The following PKD2L1 variants were observed in gnomAD, a reference collection of about 807,000 sequenced individuals.
PKD2L1 encodes the protein polycystin-2-like protein 1.
PKD2L1 carries 77 observed loss-of-function variants against 93.0 expected under a neutral mutation model. That is an observed-to-expected ratio of 0.83 (90% confidence interval 0.69 to 1.00). PKD2L1 has a LOEUF of 1.00. PKD2L1 is among the 50% of genes least tolerant of loss of function. The pLI is 0.00. For missense variants in PKD2L1, 977 were observed against 990.9 expected, an observed-to-expected ratio of 0.99 and a Z score of 0.19; for synonymous variants, 390 against 388.0, an observed-to-expected ratio of 1.01 and a Z score of -0.06.
At chr10:100,313,747 TTGATTAC>T (rs1197207502) in intron 2 of PKD2L1, among the ~76,000 whole-genome samples, 12 of 152,332 alleles carry the variant, frequency 7.9e-5, no homozygotes, top group African/African-American at 2.9e-4. Flanking sequence ...CCAGAGAGAA[TTGATTAC>T]TGGCATTGGT....
In PKD2L1 at chr10:100,298,571, T is replaced by C. The variant is rs758298099; in HGVS notation, c.722A>G (p.Asn241Ser). Residue 241 changes from asparagine (N) to serine (S), a missense_variant, in exon 4 of 16, where the codon AAT becomes AGT. Transcript: ENST00000318222. ...GGACAGGCTCACTCACGCTGTGCCA[T>C]TGAAGGGCCCAAAGGGGAGTTGTTC... Reference protein sequence around the residue: ...KEEQLPFGPFNGTAWTYHSQD... With the variant: ...KEEQLPFGPFSGTAWTYHSQD... 36 of 1,614,026 alleles carry C rather than the reference T, an allele frequency of 2.2e-5. No homozygotes were observed. The highest frequency in any genetic ancestry group is 8.0e-5 in the African/African-American group (6 of 74,940).
At position 100,293,378 on chromosome 10, in the gene PKD2L1, T is replaced by C. The variant is rs2134378089; in HGVS notation, c.1661A>G (p.Asn554Ser). Reference protein sequence around the residue: ...YVFFVFFVLLNMFLAIINDTY... With the variant: ...YVFFVFFVLLSMFLAIINDTY... ...GTCATTGATGATGGCCAGGAACATG[T>C]TCTGGAAAATGAAGTGGGGACCTGG... Residue 554 changes from asparagine (N) to serine (S), a missense_variant and splice_region_variant, in exon 10 of 16, where the codon AAC (asparagine) becomes AGC (serine). Coordinates refer to ENST00000318222, the MANE Select transcript of PKD2L1 (RefSeq NM_016112.3). 6.2e-7 allele frequency: 1 copy of C among 1,606,534 alleles called. No homozygotes were observed. Among genetic ancestry groups the C allele is most frequent in the East Asian group, 2.2e-5 (1 of 44,848 alleles).
chr10:100,330,017 A>AG lies in PKD2L1; in HGVS notation c.86dup (p.Ser30PhefsTer25). On this transcript the variant is annotated frameshift_variant, in exon 1 of 16. Coordinates refer to ENST00000318222, the MANE Select transcript of PKD2L1 (RefSeq NM_016112.3). LOFTEE classifies it high-confidence loss of function. ...AGACTCTCAGCGTCCCGTGTGGGGA[A>AG]GGGGGACCACTGTAGGCGGGGTTGT... The AG allele has an allele frequency of 6.2e-7, 1 of 1,613,740 alleles. No homozygotes were observed. The highest frequency in any genetic ancestry group is 8.5e-7 in the Non-Finnish European group (1 of 1,179,752).
rs771576567 is a variant in PKD2L1, at chr10:100,299,714, G to A, written c.354C>T (p.Thr118=). 1.2e-6 allele frequency: 2 copies of A among 1,613,688 alleles called. No homozygotes were observed. The highest frequency in any genetic ancestry group is 2.2e-5 in the South Asian group (2 of 91,076). The change falls in exon 3 of 16, where the codon ACC becomes ACT. Residue 118 remains threonine, a synonymous_variant. Transcript: ENST00000318222. ...IVFLVDICLL[T]YGMTSSSAYY... is the part of the protein sequence containing the mutation. ...AAGCACTGGAGCTTGTCATTCCATA[G>A]GTCACTAGAAAACAACCCAAGAGGC...
Position 100,302,648 on chromosome 10 carries a change from G to A in PKD2L1, c.350-2930C>T, listed in dbSNP as rs1182198382. On this transcript the variant is annotated intron_variant, in intron 2 of 15. Transcript: ENST00000318222. ...AAGCCCAGGAGGCAGAGGTTGCAAT[G>A]AGCCAAGATCATACCACTGGGTGAC... Among the ~76,000 whole-genome samples, 4 of 150,706 alleles carry A rather than the reference G, an allele frequency of 2.7e-5. No homozygotes were observed. The East Asian group carries it at 5.9e-4, about 22-fold the overall frequency.
chr10:100,294,446 A>G, intron 9 of PKD2L1, 89 bp downstream of exon 9: 1 of 1,414,264 alleles, frequency 7.1e-7, no homozygotes, highest in Non-Finnish European at 9.9e-7. Flanking sequence ...TGATTTGAGA[A>G]ACTTATCAAT....
Position 100,329,277 on chromosome 10 carries a change from G to T in PKD2L1, c.283C>A (p.Leu95Ile). Residue 95 changes from leucine to isoleucine, a missense_variant, in exon 2 of 16, where the codon CTT becomes ATT. By Grantham distance (5) the Leu-to-Ile change is conservative. Coordinates refer to ENST00000318222, the MANE Select transcript of PKD2L1 (RefSeq NM_016112.3). ...TCCCTCAGGGTGGTCTTGATATAAA[G>T]TTCCCGGTTCTCAGCTGTGTTCTCA... is the stretch of plus-strand genomic sequence containing the variant. Reference protein sequence around the residue: ...LTENTAENRELYIKTTLRELL... With the variant: ...LTENTAENREIYIKTTLRELL... 6.2e-7 allele frequency: 1 copy of T among 1,614,146 alleles called. No homozygotes were observed. The highest frequency in any genetic ancestry group is 1.7e-5 in the Admixed American group (1 of 60,028).
Position 100,293,011 on chromosome 10 carries a change from T to C in PKD2L1, c.1817A>G (p.Gln606Arg). The change falls in exon 11 of 16, where the codon CAG (glutamine) becomes CGG (arginine). Residue 606 changes from glutamine to arginine, a missense_variant. Gln to Arg is a conservative substitution (Grantham distance 43, BLOSUM62 1). Coordinates refer to ENST00000318222, the MANE Select transcript of PKD2L1 (RefSeq NM_016112.3). Reference protein sequence around the residue: ...RLRKERVSDVQKVLQGGEQEI... With the variant: ...RLRKERVSDVRKVLQGGEQEI... ...CTGCTCCCCACCCTGCAGGACCTTC[T>C]GCACATCCGAAACCCTCTCCTTCCT... is the stretch of plus-strand genomic sequence containing the variant. The C allele has an allele frequency of 6.2e-7, 1 of 1,614,184 alleles. No individual in the cohort carries two copies.
rs1564891471 is a variant in PKD2L1, at chr10:100,315,095, GGAAGGGAAGGGAAGGGAAGGGAAGAGAAA to G, written c.349+14087_349+14115del. 4.4e-5 allele frequency among the ~76,000 whole-genome samples: 5 copies of G among 113,544 alleles called. 1 individual carries two copies. The highest frequency in any genetic ancestry group is 1.7e-4 in the African/African-American group (5 of 28,880). 74.5% of individuals were successfully genotyped at this position (113,544 alleles called of 152,430 possible). ...GGAAGGGAAGGGAAGGGAAGGGAAGGGAAGGGAAGGGAAGGGAAGGGAAGAGAAAACAGTTGAAATGATTATATACCAAA... is the reference window on the plus strand; with the variant it reads ...GGAAGGGAAGGGAAGGGAAGGGAAGGACAGTTGAAATGATTATATACCAAA... On this transcript the variant is annotated intron_variant, in intron 2 of 15. Transcript: ENST00000318222.
At chr10:100,296,078 T>C (rs778630513) in intron 7 of PKD2L1, 44 bp downstream of exon 7, 1 of 1,451,960 alleles carries the variant, frequency 6.9e-7, no homozygotes, top group Non-Finnish European at 9.4e-7. Context: ...GAAGGGAGAA[T>C]GAGTGCGCCT....
At chr10:100,306,939 C>T (rs1307422555) in intron 2 of PKD2L1, among the ~76,000 whole-genome samples, 2 of 150,996 alleles carry the variant, frequency 1.3e-5, no homozygotes, top group Non-Finnish European at 2.9e-5. Flanking sequence ...CCTGGTGTTT[C>T]CCTCCCCCTA....
chr10:100,315,042 A>AAAAC (rs1849061533), intron 2 of PKD2L1, among the ~76,000 whole-genome samples: 1 of 10,122 alleles, frequency 9.9e-5, no homozygotes, highest in Non-Finnish European at 1.9e-4. Flanking sequence ...AAGGGAAGGG[A>AAAAC]AGGGAAGGGA....
At chr10:100,324,685 T>G (rs1251817195) in intron 2 of PKD2L1, among the ~76,000 whole-genome samples, 1 of 152,230 alleles carries the variant, frequency 6.6e-6, no homozygotes, top group African/African-American at 2.4e-5. Context: ...CTCCAGAAGA[T>G]AAATGTTATT....
At chr10:100,290,378 C>A in intron 13 of PKD2L1, 23 bp downstream of exon 13, 1 of 1,514,590 alleles carries the variant, frequency 6.6e-7, no homozygotes, top group Non-Finnish European at 9.2e-7. Context: ...AGCCCTGAAC[C>A]AGCCTTTCTT....
chr10:100,292,442 G>A (rs566900095), intron 11 of PKD2L1, among the ~76,000 whole-genome samples: 2 of 151,656 alleles, frequency 1.3e-5, no homozygotes, highest in South Asian at 4.2e-4. Context: ...GCAGTGAGCC[G>A]AGATTGTGCA....
intron 11 of PKD2L1, 150 bp downstream of exon 11, chr10:100,292,798 C>G (rs763511395): frequency 1.4e-6 from 1 of 722,734 alleles, no homozygotes; most frequent in Non-Finnish European, 2.2e-6. Context: ...AGGTCAGGAG[C>G]GGAGACCTAC....
chr10:100,320,965 T>G (rs1849213890), intron 2 of PKD2L1, among the ~76,000 whole-genome samples: 1 of 152,208 alleles, frequency 6.6e-6, no homozygotes, highest in Non-Finnish European at 1.5e-5. Flanking sequence ...AAGCTGCAGC[T>G]ATAGATACAT....
Position 100,290,517 on chromosome 10 carries a change from C to A in PKD2L1, c.2010G>T (p.Val670=), listed in dbSNP as rs779515747. 2.5e-6 allele frequency: 4 copies of A among 1,606,704 alleles called. No homozygotes were observed. The highest frequency in any genetic ancestry group is 3.3e-5 in the Admixed American group (2 of 59,982). The change falls in exon 13 of 16, where the codon GTG becomes GTT. Residue 670 remains valine, a splice_region_variant and synonymous_variant. Transcript: ENST00000318222. Reference sequence around the variant, plus strand: ...GTTTCTCAATCTCAGTGTTGAGGGCCACCTGCTCAGGAAGTCAGAGGTTAG... The same window carrying A: ...GTTTCTCAATCTCAGTGTTGAGGGCAACCTGCTCAGGAAGTCAGAGGTTAG... ...KMRQDLEEER[V]ALNTEIEKLG...
chr10:100,311,597 G>A (rs1450379704), intron 2 of PKD2L1, among the ~76,000 whole-genome samples: 1 of 152,206 alleles, frequency 6.6e-6, no homozygotes, highest in Non-Finnish European at 1.5e-5. Flanking sequence ...GCTGACTTCA[G>A]TCGGAAACTT....
Sources: allele counts gnomAD v4.1 joint callset (sites outside exome capture counted in the v4.1 genomes callset), GRCh38; gene constraint gnomAD v4.1.1; transcripts MANE v1.5; gene names NCBI Gene and HGNC (gene_info 2026-07-23, HGNC 2026-07-21).